CFAP299: variants seen among roughly 807,000 people sequenced by gnomAD.
The protein encoded by CFAP299 is cilia- and flagella-associated protein 299.
CFAP299 carries 21 observed loss-of-function variants against 27.0 expected under a neutral mutation model. The observed-to-expected ratio is 0.78, with a 90% CI of 0.55 to 1.12. CFAP299 has a LOEUF of 1.12. CFAP299 is among the 50% of genes most tolerant of loss of function. The probability of loss-of-function intolerance (pLI) is 0.00; values close to 1 mark genes in which losing one functional copy is unlikely to be tolerated. For missense variants in CFAP299, 310 were observed against 276.6 expected (o/e 1.12, Z -0.86); for synonymous variants, 104 against 98.1 (o/e 1.06, Z -0.36).
intron 4 of CFAP299, among the ~76,000 whole-genome samples, chr4:80,903,245 A>G (rs1261015116): frequency 6.6e-6 from 1 of 152,032 alleles, no homozygotes; most frequent in Non-Finnish European, 1.5e-5. Context: ...TGTTGTTCTT[A>G]CCCATATCAT....
intron 2 of CFAP299, among the ~76,000 whole-genome samples, chr4:80,559,856 A>G (rs1734954053): frequency 6.6e-6 from 1 of 152,184 alleles, no homozygotes; most frequent in South Asian, 2.1e-4. Flanking sequence ...ACTGAGGGCT[A>G]CTGTACTCTG....
chr4:80,636,726 A>G lies in CFAP299; in HGVS notation c.333+53543A>G, dbSNP rs902237520. ...ATTGCTCATGGGTCAAACCCAGCCT[A>G]CCTAATGTTTTATCGGTACTCAGCT... On this transcript the variant is annotated intron_variant, in intron 3 of 5. Transcript: ENST00000358105. Among the ~76,000 whole-genome samples the G allele has an allele frequency of 2.0e-5, 3 of 152,124 alleles. No individual in the cohort carries two copies. In the South Asian group the frequency reaches 6.2e-4, roughly 32 times the overall value.
intron 2 of CFAP299, among the ~76,000 whole-genome samples, chr4:80,556,289 A>T (rs1734776457): frequency 6.6e-6 from 1 of 152,070 alleles, no homozygotes; most frequent in Admixed American, 6.6e-5. Flanking sequence ...GCTGATTATA[A>T]GTCTCTTTTT....
intron 2 of CFAP299, among the ~76,000 whole-genome samples, chr4:80,566,972 A>G (rs957127291): frequency 6.6e-6 from 1 of 151,890 alleles, no homozygotes; most frequent in Non-Finnish European, 1.5e-5. Flanking sequence ...GAGTTCAGAG[A>G]CAATTTCTTA....
At chr4:80,809,003 C>A (rs1487027502) in intron 3 of CFAP299, among the ~76,000 whole-genome samples, 2 of 151,978 alleles carry the variant, frequency 1.3e-5, no homozygotes, top group East Asian at 1.9e-4. Flanking sequence ...GAAACCAATC[C>A]AAAGCAAAAA....
intron 3 of CFAP299, among the ~76,000 whole-genome samples, chr4:80,703,463 G>T (rs1721635588): frequency 6.6e-6 from 1 of 151,668 alleles, no homozygotes; most frequent in Non-Finnish European, 1.5e-5. Context: ...AGGCAGAAGT[G>T]TACAGTAACA....
intron 1 of CFAP299, among the ~76,000 whole-genome samples, chr4:80,358,434 T>TA (rs1296286300): frequency 6.6e-6 from 1 of 152,144 alleles, no homozygotes; most frequent in Non-Finnish European, 1.5e-5. Context: ...CATAGGGTGT[T>TA]AAAATCTCCC....
chr4:80,718,493 G>C (rs528926926), intron 3 of CFAP299, among the ~76,000 whole-genome samples: 43 of 152,068 alleles, frequency 2.8e-4, no homozygotes, highest in Non-Finnish European at 4.3e-4. Context: ...GTAGATAATA[G>C]TAGTGGAAGT....
chr4:80,544,767 G>A lies in CFAP299; in HGVS notation c.243-38326G>A, dbSNP rs930390359. Among the ~76,000 whole-genome samples the A allele has an allele frequency of 3.9e-5, 6 of 152,252 alleles. No homozygotes were observed. The East Asian group carries it at 1.2e-3, about 29-fold the overall frequency. On this transcript the variant is annotated intron_variant, in intron 2 of 5. Transcript: ENST00000358105. The stretch of plus-strand genomic sequence containing the variant: ...ATGTAGGCAACCACACAATAATGTT[G>A]GAGGACTTCAACACCCAATGACAGT...
intron 2 of CFAP299, among the ~76,000 whole-genome samples, chr4:80,396,924 T>A (rs4590015): frequency 0.71 from 107,608 of 152,102 alleles, 39,214 homozygotes; most frequent in Admixed American, 0.79. Context: ...TCCTCCTTTT[T>A]CTATTGATTG....
intron 3 of CFAP299, among the ~76,000 whole-genome samples, chr4:80,845,822 A>AAATGC (rs1418951522): frequency 6.6e-6 from 1 of 152,176 alleles, no homozygotes; most frequent in African/African-American, 2.4e-5. Context: ...AGTATATCAG[A>AAATGC]AATGCAAATA....
rs374421351 is a variant in CFAP299 at position 80,901,064 on chromosome 4, A to G, written c.476+30929A>G. On this transcript the variant is annotated intron_variant, in intron 4 of 5. Coordinates refer to ENST00000358105, the MANE Select transcript of CFAP299 (RefSeq NM_152770.3). ...TGAGTAAAAAAGGAATTTTTACAGC[A>G]TAACTCATCACCATAGTAAACAATG... 4.6e-5 allele frequency among the ~76,000 whole-genome samples: 7 copies of G among 152,156 alleles called. No individual in the cohort carries two copies. The East Asian group carries it at 5.8e-4, about 13-fold the overall frequency.
At position 80,800,452 on chromosome 4, in the gene CFAP299, TA is replaced by T. The variant is rs368909062; in HGVS notation, c.334-69539del. Among the ~76,000 whole-genome samples the T allele has an allele frequency of 1.6e-3, 70 of 43,850 alleles. 1 individual carries two copies. The highest frequency in any genetic ancestry group is 4.9e-3 in the South Asian group (5 of 1,014). The allele number at this position is 43,850 out of a possible 152,430, so 28.8% of individuals were successfully genotyped here. A position where few individuals can be genotyped will look rare whatever the true frequency, so the allele number is the denominator to read the frequency against. ...TATAATATATAATATATTGATATATTAATATAATATATAATATATAATATAT... is the reference window on the plus strand; with the variant it reads ...TATAATATATAATATATTGATATATTATATAATATATAATATATAATATAT... On this transcript the variant is annotated intron_variant, in intron 3 of 5. Transcript: ENST00000358105.
chr4:80,807,498 C>T lies in CFAP299; in HGVS notation c.334-62495C>T, dbSNP rs562112759. Among the ~76,000 whole-genome samples the T allele has an allele frequency of 9.9e-5, 15 of 152,180 alleles. No individual in the cohort carries two copies. The East Asian group carries it at 2.1e-3, about 22-fold the overall frequency. On this transcript the variant is annotated intron_variant, in intron 3 of 5. Coordinates refer to ENST00000358105, the MANE Select transcript of CFAP299 (RefSeq NM_152770.3). ...ACTATTCAGAGACATTTATTTAATG[C>T]TTTAGAAAACTCAATGACTCAAATG...
intron 4 of CFAP299, among the ~76,000 whole-genome samples, chr4:80,876,609 A>C (rs773889683): frequency 1.9e-4 from 29 of 152,298 alleles, no homozygotes; most frequent in Non-Finnish European, 3.4e-4. Flanking sequence ...TTAACACTTA[A>C]AAAACCTGTA....
intron 3 of CFAP299, among the ~76,000 whole-genome samples, chr4:80,651,090 T>G (rs573711975): frequency 6.6e-5 from 10 of 152,158 alleles, no homozygotes; most frequent in Non-Finnish European, 1.3e-4. Context: ...TTTGTAAATT[T>G]TATATTAATG....
At chr4:80,522,331 C>T (rs1033338796) in intron 2 of CFAP299, among the ~76,000 whole-genome samples, 10 of 151,776 alleles carry the variant, frequency 6.6e-5, no homozygotes, top group Admixed American at 3.3e-4. Context: ...TACCCCTTTG[C>T]GCATTTTTAA....
upstream of CFAP299, chr4:80,335,573 A>C: frequency 1.7e-6 from 1 of 585,220 alleles, no homozygotes; most frequent in South Asian, 1.8e-5. Context: ...TCCGACCTGA[A>C]CTTGGGTGGG....
intron 4 of CFAP299, among the ~76,000 whole-genome samples, chr4:80,884,075 G>A (rs1179845081): frequency 6.6e-6 from 1 of 152,044 alleles, no homozygotes; most frequent in African/African-American, 2.4e-5. Flanking sequence ...TGTCCATGTG[G>A]TCTCGTCATT....
Sources: allele counts gnomAD v4.1 joint callset (sites outside exome capture counted in the v4.1 genomes callset), GRCh38; gene constraint gnomAD v4.1.1; transcripts MANE v1.5; gene names NCBI Gene and HGNC (gene_info 2026-07-23, HGNC 2026-07-21).